TBXAS1: variants seen among roughly 807,000 people sequenced by gnomAD.
TBXAS1 encodes thromboxane A synthase 1, also known as thromboxane-A synthase.
A neutral mutation model predicts 60.7 loss-of-function variants in TBXAS1; 48 were observed. The observed-to-expected ratio is 0.79, with a 90% CI of 0.63 to 1.01. The LOEUF (loss-of-function observed/expected upper bound fraction) is 1.01. Ranked by LOEUF, TBXAS1 falls within the 50% of genes least tolerant of loss-of-function variation. TBXAS1 has a pLI of 0.00. For synonymous variants in TBXAS1, 287 were observed against 269.7 expected, an observed-to-expected ratio of 1.06 and a Z score of -0.63; for missense variants, 685 against 686.3, an observed-to-expected ratio of 1.00 and a Z score of 0.02.
rs550214357 is a variant in TBXAS1 at position 139,928,213 on chromosome 7, A to G, written c.334-7978A>G. Among the ~76,000 whole-genome samples, 8 of 152,306 alleles carry G rather than the reference A, an allele frequency of 5.3e-5. No individual in the cohort carries two copies. The South Asian group carries it at 1.7e-3, about 32-fold the overall frequency. The stretch of plus-strand genomic sequence containing the variant: ...TTATTATGAATGGGTGTCAGTTTTT[A>G]TCAATTTTCTTCTGCATCTCTTGAG... On this transcript the variant is annotated intron_variant, in intron 4 of 12. Coordinates refer to ENST00000448866, the MANE Select transcript of TBXAS1 (RefSeq NM_001061.7).
At chr7:139,929,032 C>T (rs1354711939) in intron 4 of TBXAS1, among the ~76,000 whole-genome samples, 3 of 152,040 alleles carry the variant, frequency 2.0e-5, no homozygotes, top group Non-Finnish European at 2.9e-5. Flanking sequence ...AAACAGCTCA[C>T]GAGAAGGACC....
chr7:139,785,318 A>G (rs935869654), intron 3 of TBXAS1, among the ~76,000 whole-genome samples: 1 of 152,030 alleles, frequency 6.6e-6, no homozygotes, highest in African/African-American at 2.4e-5. Context: ...ACATAGTCTC[A>G]TTAGCTCTTG....
intron 12 of TBXAS1, 55 bp downstream of exon 12, chr7:140,017,888 C>G (rs1815223338): frequency 1.9e-6 from 3 of 1,612,602 alleles, no homozygotes; most frequent in African/African-American, 2.7e-5. Flanking sequence ...AGGGCCACCC[C>G]AGTTCTCTGC....
In TBXAS1 at chr7:139,938,729, A is replaced by G. The variant is rs565265582; in HGVS notation, c.450+2422A>G. Reference sequence around the variant, plus strand: ...GCGTATATGTCTGTATTCAAAAGCAATGGCTTCATGGCACTATAGAAGTAG... The same window carrying G: ...GCGTATATGTCTGTATTCAAAAGCAGTGGCTTCATGGCACTATAGAAGTAG... On this transcript the variant is annotated intron_variant, in intron 5 of 12. Transcript: ENST00000448866. Among the ~76,000 whole-genome samples, 10 of 152,356 alleles carry G rather than the reference A, an allele frequency of 6.6e-5. No individual in the cohort carries two copies. The South Asian group carries it at 2.1e-3, about 32-fold the overall frequency.
At chr7:139,929,784 C>T (rs1396101585) in intron 4 of TBXAS1, among the ~76,000 whole-genome samples, 1 of 152,176 alleles carries the variant, frequency 6.6e-6, no homozygotes, top group African/African-American at 2.4e-5. Context: ...TCATTTCTCC[C>T]GGTATCTGTG....
chr7:139,894,083 T>G (rs750962614), intron 3 of TBXAS1, among the ~76,000 whole-genome samples: 9 of 152,124 alleles, frequency 5.9e-5, no homozygotes, highest in Admixed American at 1.3e-4. Flanking sequence ...GCGTGGAGAA[T>G]AGCTGCCCCA....
intron 3 of TBXAS1, among the ~76,000 whole-genome samples, chr7:139,885,046 G>A (rs1802977222): frequency 6.6e-6 from 1 of 152,202 alleles, no homozygotes; most frequent in South Asian, 2.1e-4. Context: ...GGCTGGGCCT[G>A]CAGATGAGGG....
rs113298427 is a variant in TBXAS1, at chr7:140,015,837, C to T, written c.1341C>T (p.Ser447=). ...ACCATGACCCTGAGCACTGGCCAAGCCCGGAGACCTTCAACCCTGAAAGGT... is the reference window on the plus strand; with the variant it reads ...ACCATGACCCTGAGCACTGGCCAAGTCCGGAGACCTTCAACCCTGAAAGGT... ...ALHHDPEHWP[S]PETFNPERFT... Residue 447 remains serine (S), a synonymous_variant, in exon 11 of 13, where the codon AGC becomes AGT. Coordinates refer to ENST00000448866, the MANE Select transcript of TBXAS1 (RefSeq NM_001061.7). The T allele has an allele frequency of 5.9e-5, 95 of 1,613,842 alleles. No homozygotes were observed. The African/African-American group carries it at 8.5e-4, about 14-fold the overall frequency.
intron 4 of TBXAS1, among the ~76,000 whole-genome samples, chr7:139,803,470 G>GA (rs1207090607): frequency 5.9e-5 from 9 of 152,140 alleles, no homozygotes; most frequent in Non-Finnish European, 8.8e-5. Context: ...TGATGCAATA[G>GA]AAAAGAAAAA....
intron 4 of TBXAS1, among the ~76,000 whole-genome samples, chr7:139,809,309 C>T (rs867562767): frequency 7.4e-6 from 1 of 135,730 alleles, no homozygotes; most frequent in Non-Finnish European, 1.6e-5. Context: ...ATAGACACAA[C>T]CAATAGGAGA....
intron 7 of TBXAS1, among the ~76,000 whole-genome samples, chr7:139,956,616 C>T (rs1393595816): frequency 6.6e-6 from 1 of 152,240 alleles, no homozygotes; most frequent in African/African-American, 2.4e-5. Flanking sequence ...CAGTTTCATT[C>T]CCGTTTCTGA....
In TBXAS1 at chr7:139,964,984, C is replaced by T. The variant is rs537664364; in HGVS notation, c.1134+2751C>T. On this transcript the variant is annotated intron_variant, in intron 9 of 12. Transcript: ENST00000448866. ...GGCTCATCCCAGCACTTTGGGAGGC[C>T]GAGGTGGGTGGATCACCTGAGGTCA... Among the ~76,000 whole-genome samples the T allele has an allele frequency of 3.9e-5, 6 of 152,254 alleles. No homozygotes were observed. In the East Asian group the frequency reaches 7.7e-4, roughly 20 times the overall value.
intron 5 of TBXAS1, among the ~76,000 whole-genome samples, chr7:139,948,455 T>C (rs945000605): frequency 1.3e-5 from 2 of 152,178 alleles, no homozygotes; most frequent in Non-Finnish European, 1.5e-5. Flanking sequence ...GAGTTGGGGC[T>C]TCAATGTATG....
intron 1 of TBXAS1, among the ~76,000 whole-genome samples, chr7:139,840,611 G>C (rs1345175978): frequency 6.6e-6 from 1 of 152,144 alleles, no homozygotes; most frequent in Non-Finnish European, 1.5e-5. Flanking sequence ...GGATGCATTG[G>C]TAGCTGCACA....
intron 1 of TBXAS1, among the ~76,000 whole-genome samples, chr7:139,862,932 A>G (rs1801074093): frequency 6.6e-6 from 1 of 152,232 alleles, no homozygotes; most frequent in Non-Finnish European, 1.5e-5. Context: ...AGAAAGGGAC[A>G]GTAAGTAGGG....
chr7:139,886,281 T>A (rs1803091706), intron 3 of TBXAS1, among the ~76,000 whole-genome samples: 1 of 152,106 alleles, frequency 6.6e-6, no homozygotes, highest in African/African-American at 2.4e-5. Flanking sequence ...TTTTCCACCC[T>A]GAGTAAGGCT....
At chr7:139,828,432 A>T (rs1798508409), upstream of TBXAS1, among the ~76,000 whole-genome samples, 1 of 152,132 alleles carries the variant, frequency 6.6e-6, no homozygotes, top group Non-Finnish European at 1.5e-5. Context: ...ACTTCCGCAA[A>T]TGGGGCACTC....
chr7:139,928,619 G>A (rs777365794), intron 4 of TBXAS1, among the ~76,000 whole-genome samples: 1 of 152,028 alleles, frequency 6.6e-6, no homozygotes, highest in Non-Finnish European at 1.5e-5. Context: ...GAAATCTGTG[G>A]GTCTCTATTT....
chr7:139,791,061 C>A lies in TBXAS1; in HGVS notation c.-80+3635C>A, dbSNP rs186613861. Among the ~76,000 whole-genome samples, 3 of 152,322 alleles carry A rather than the reference C, an allele frequency of 2.0e-5. No homozygotes were observed. The East Asian group carries it at 5.8e-4, about 29-fold the overall frequency. On this transcript the variant is annotated intron_variant, in intron 4 of 16. Coordinates refer to the TBXAS1 transcript ENST00000336425. Reference sequence around the variant, plus strand: ...CCAAGCCATCCTCCTGCCTTGGCCTCCCAAAGTGCTGGGATTACAGGCATG... The same window carrying A: ...CCAAGCCATCCTCCTGCCTTGGCCTACCAAAGTGCTGGGATTACAGGCATG...
Sources: allele counts gnomAD v4.1 joint callset (sites outside exome capture counted in the v4.1 genomes callset), GRCh38; gene constraint gnomAD v4.1.1; transcripts MANE v1.5; gene names NCBI Gene and HGNC (gene_info 2026-07-23, HGNC 2026-07-21).